CTNNA3: variants seen among roughly 807,000 people sequenced by gnomAD.
The protein encoded by CTNNA3 is catenin alpha 3.
A neutral mutation model predicts 95.7 loss-of-function variants in CTNNA3; 76 were observed. That is an observed-to-expected ratio of 0.79 (90% confidence interval 0.66 to 0.96). CTNNA3 has a LOEUF of 0.96. CTNNA3 is among the 40% of genes least tolerant of loss of function. The pLI, the probability that CTNNA3 is intolerant of heterozygous loss-of-function variation, is 0.00. For missense variants in CTNNA3, 1,191 were observed against 1,089.8 expected (o/e 1.09, Z -1.31); for synonymous variants, 431 against 374.4 (o/e 1.15, Z -1.74).
intron 7 of CTNNA3, among the ~76,000 whole-genome samples, chr10:66,964,911 T>C (rs1209628946): frequency 6.6e-6 from 1 of 152,218 alleles, no homozygotes; most frequent in Non-Finnish European, 1.5e-5. Flanking sequence ...AACCTGTGTT[T>C]AGAAACATTT....
chr10:66,374,237 T>G (rs1433296694), intron 12 of CTNNA3, among the ~76,000 whole-genome samples: 1 of 152,116 alleles, frequency 6.6e-6, no homozygotes, highest in East Asian at 1.9e-4. Flanking sequence ...TGGCTGATTA[T>G]GATCAAAGGC....
At chr10:67,679,478 A>G (rs1308116693) in intron 1 of CTNNA3, among the ~76,000 whole-genome samples, 1 of 152,250 alleles carries the variant, frequency 6.6e-6, no homozygotes, top group Admixed American at 6.5e-5. Context: ...GAATATTGGG[A>G]ATTCACAAAT....
chr10:66,558,205 C>T (rs1203354271), intron 10 of CTNNA3, among the ~76,000 whole-genome samples: 1 of 152,118 alleles, frequency 6.6e-6, no homozygotes, highest in Non-Finnish European at 1.5e-5. Flanking sequence ...CTTGACCTCC[C>T]AGATCCTGCT....
At chr10:67,721,844 T>C (rs1223929254) in intron 1 of CTNNA3, among the ~76,000 whole-genome samples, 1 of 152,184 alleles carries the variant, frequency 6.6e-6, no homozygotes, top group African/African-American at 2.4e-5. Flanking sequence ...GGGGTTTTTG[T>C]GTGGATGTCC....
intron 16 of CTNNA3, among the ~76,000 whole-genome samples, chr10:65,970,150 A>G (rs2078063329): frequency 6.6e-6 from 1 of 152,176 alleles, no homozygotes; most frequent in Non-Finnish European, 1.5e-5. Context: ...AGAAATTTCA[A>G]CAAAAAGTTC....
intron 13 of CTNNA3, among the ~76,000 whole-genome samples, chr10:66,262,998 G>C (rs942608720): frequency 1.3e-5 from 2 of 151,838 alleles, no homozygotes; most frequent in Non-Finnish European, 2.9e-5. Context: ...TGTGACCCAA[G>C]CAGAAATACT....
intron 5 of CTNNA3, among the ~76,000 whole-genome samples, chr10:67,423,542 T>A (rs562691925): frequency 9.9e-4 from 151 of 152,240 alleles, no homozygotes; most frequent in African/African-American, 3.6e-3. Flanking sequence ...CAAAGATTTA[T>A]CTAATTCAAA....
At chr10:66,285,674 A>T (rs1196746315) in intron 12 of CTNNA3, among the ~76,000 whole-genome samples, 1 of 151,580 alleles carries the variant, frequency 6.6e-6, no homozygotes, top group Non-Finnish European at 1.5e-5. Context: ...TTTATTTTAA[A>T]TTGTTAATAA....
intron 7 of CTNNA3, among the ~76,000 whole-genome samples, chr10:66,908,261 A>C (rs1228384202): frequency 6.6e-6 from 1 of 152,190 alleles, no homozygotes; most frequent in Non-Finnish European, 1.5e-5. Context: ...TCTCACAGTG[A>C]CATCAAGTCT....
intron 15 of CTNNA3, among the ~76,000 whole-genome samples, chr10:66,025,449 C>T (rs1589262960): frequency 6.6e-6 from 1 of 152,192 alleles, no homozygotes; most frequent in Non-Finnish European, 1.5e-5. Context: ...TCAGCAATTG[C>T]TCATTTTATT....
rs772531299 is a variant in CTNNA3 at position 66,647,326 on chromosome 10, C to CA, written c.1282-25543dup. Among the ~76,000 whole-genome samples, 4 of 151,898 alleles carry CA rather than the reference C, an allele frequency of 2.6e-5. No individual in the cohort carries two copies. The East Asian group carries it at 5.8e-4, about 22-fold the overall frequency. ...CAGAGTGAAAAAGTGATATGCAAAC[C>CA]AAAAAATCAAAATACAGGAAAGTAA... On this transcript the variant is annotated intron_variant, in intron 9 of 17. Transcript: ENST00000433211.
chr10:67,244,778 C>T (rs10509284), intron 5 of CTNNA3, among the ~76,000 whole-genome samples: 36,855 of 151,976 alleles, frequency 0.24, 7,580 homozygotes, highest in African/African-American at 0.56. Flanking sequence ...TCCAGAAAAC[C>T]GGTATGAAAG....
intron 7 of CTNNA3, among the ~76,000 whole-genome samples, chr10:66,846,122 ACT>A (rs565149638): frequency 2.8e-5 from 4 of 141,766 alleles, no homozygotes; most frequent in African/African-American, 1.1e-4. Context: ...ACAGAGCGAG[ACT>A]CTGTCTCAAA....
intron 7 of CTNNA3, among the ~76,000 whole-genome samples, chr10:66,980,105 G>T (rs1356159627): frequency 6.6e-6 from 1 of 152,112 alleles, no homozygotes; most frequent in African/African-American, 2.4e-5. Flanking sequence ...GTATTTCCTG[G>T]TTACTAATCA....
intron 11 of CTNNA3, among the ~76,000 whole-genome samples, chr10:66,443,437 C>T (rs944453858): frequency 2.0e-5 from 3 of 151,994 alleles, no homozygotes; most frequent in Non-Finnish European, 2.9e-5. Context: ...CTCACACGGC[C>T]GGGTATTCCT....
chr10:66,601,553 T>C (rs1843923232), intron 10 of CTNNA3, among the ~76,000 whole-genome samples: 1 of 151,920 alleles, frequency 6.6e-6, no homozygotes, highest in Non-Finnish European at 1.5e-5. Flanking sequence ...TAGTTCTGTT[T>C]CAGCTCCCTA....
chr10:66,399,767 T>G (rs1273632114), intron 11 of CTNNA3, among the ~76,000 whole-genome samples: 1 of 152,052 alleles, frequency 6.6e-6, no homozygotes, highest in East Asian at 1.9e-4. Context: ...CTGCTTTCTC[T>G]ATAACTGGCT....
chr10:66,360,816 C>CCTTCCTTTCTTT (rs1491560905), intron 12 of CTNNA3, among the ~76,000 whole-genome samples: 10 of 50,278 alleles, frequency 2.0e-4, no homozygotes, highest in Admixed American at 4.7e-4. Flanking sequence ...TTCCTTCCTT[C>CCTTCCTTTCTTT]CTTTCTTTCT....
At chr10:67,304,822 G>A (rs1019850097) in intron 5 of CTNNA3, among the ~76,000 whole-genome samples, 2 of 151,996 alleles carry the variant, frequency 1.3e-5, no homozygotes, top group African/African-American at 4.8e-5. Flanking sequence ...AGCAGGTTAT[G>A]TACTCTAGAC....
Sources: allele counts gnomAD v4.1 joint callset (sites outside exome capture counted in the v4.1 genomes callset), GRCh38; gene constraint gnomAD v4.1.1; transcripts MANE v1.5; gene names NCBI Gene and HGNC (gene_info 2026-07-23, HGNC 2026-07-21).